The following MPHOSPH8 variants were observed in gnomAD, a reference collection of about 807,000 sequenced individuals.
MPHOSPH8 encodes the protein M-phase phosphoprotein 8, also known as M-phase phosphoprotein, mpp.
In MPHOSPH8, 45 loss-of-function variants were observed where a neutral mutation model predicts 87.3. The ratio of observed to expected loss-of-function variants is 0.52; its 90% CI spans 0.41 to 0.66. The LOEUF is 0.66. Among genes scored for constraint, MPHOSPH8 ranks in the 30% least tolerant of loss-of-function variants. The pLI, the probability that MPHOSPH8 is intolerant of heterozygous loss-of-function variation, is 0.00. For synonymous variants in MPHOSPH8, 366 were observed against 376.9 expected (o/e 0.97, Z 0.33); for missense variants, 883 against 1,020.2 (o/e 0.87, Z 1.83).
chr13:19,650,133 CA>C lies in MPHOSPH8; in HGVS notation c.1451del (p.Lys484ArgfsTer32). Reference protein sequence around the residue: ...DFKTIDDHKTKENKQSLKERR... With the variant: ...DFKTIDDHKTXENKQSLKERR... ...TTAAAACCATAGACGATCACAAAAC[CA>C]AGGAAAACAAACAGTCACTTAAAGA... is the stretch of plus-strand genomic sequence containing the variant. On this transcript the variant is annotated frameshift_variant, in exon 5 of 14. Coordinates refer to ENST00000361479, the MANE Select transcript of MPHOSPH8 (RefSeq NM_017520.4). LOFTEE classifies it high-confidence loss of function. 1 of 1,613,924 alleles carries C rather than the reference CA, an allele frequency of 6.2e-7. No homozygotes were observed. The highest frequency in any genetic ancestry group is 8.5e-7 in the Non-Finnish European group (1 of 1,179,958).
chr13:19,654,807 A>G (rs1875059466), intron 5 of MPHOSPH8, among the ~76,000 whole-genome samples: 1 of 152,172 alleles, frequency 6.6e-6, no homozygotes, highest in African/African-American at 2.4e-5. Flanking sequence ...AATTAGCTGG[A>G]TGTGGTGGCA....
rs539528584 is a variant in MPHOSPH8, at chr13:19,663,016, A to G, written c.1933-24A>G. 14 of 1,560,324 alleles carry G rather than the reference A, an allele frequency of 9.0e-6. No homozygotes were observed. The African/African-American group carries it at 9.5e-5, about 11-fold the overall frequency. ...TCTTTTAAATAATTTGGGAAATTAA[A>G]TTTGCCTTTTTTTCTTTTCATAGAA... is the stretch of plus-strand genomic sequence containing the variant. On this transcript the variant is annotated intron_variant, in intron 8 of 13. Coordinates refer to ENST00000361479, the MANE Select transcript of MPHOSPH8 (RefSeq NM_017520.4).
Position 19,650,004 on chromosome 13 carries a change from A to T in MPHOSPH8, c.1320A>T (p.Thr440=), listed in dbSNP as rs1267438879. 6.3e-7 allele frequency: 1 copy of T among 1,579,812 alleles called. No homozygotes were observed. The highest frequency in any genetic ancestry group is 1.2e-5 in the South Asian group (1 of 86,278). Reference sequence around the variant, plus strand: ...CATCTATTTTAATTTTTTCGTTAGCACTTAAGGAAATCAGAAATGCATTTG... The same window carrying T: ...CATCTATTTTAATTTTTTCGTTAGCTCTTAAGGAAATCAGAAATGCATTTG... ...KGRKEPKGLK[T]LKEIRNAFDL... is the part of the protein sequence containing the mutation. The change falls in exon 5 of 14, where the codon ACA becomes ACT. Residue 440 remains threonine (T), a splice_region_variant and synonymous_variant. Coordinates refer to ENST00000361479, the MANE Select transcript of MPHOSPH8 (RefSeq NM_017520.4).
intron 9 of MPHOSPH8, 22 bp downstream of exon 9, chr13:19,663,148 T>TCCCTTTCTTCAC: frequency 6.3e-7 from 1 of 1,591,884 alleles, no homozygotes; most frequent in Non-Finnish European, 8.6e-7. Flanking sequence ...CTGCAGGTCA[T>TCCCTTTCTTCAC]CCCTTTCTTC....
Position 19,659,271 on chromosome 13 carries a change from A to C in MPHOSPH8, c.1773A>C (p.Glu591Asp), listed in dbSNP as rs200413985. Reference sequence around the variant, plus strand: ...AAGTTGCACTTAATTCAAATGAAGAATATAACCTGGACCAAGAGGTAATAT... The same window carrying C: ...AAGTTGCACTTAATTCAAATGAAGACTATAACCTGGACCAAGAGGTAATAT... ...TVKVALNSNE[E>D]YNLDQEDSSG... is the part of the protein sequence containing the mutation. Residue 591 changes from glutamate to aspartate, a missense_variant, in exon 7 of 14, where the codon GAA becomes GAC. Coordinates refer to ENST00000361479, the MANE Select transcript of MPHOSPH8 (RefSeq NM_017520.4). 2 of 1,609,666 alleles carry C rather than the reference A, an allele frequency of 1.2e-6. No homozygotes were observed. Among genetic ancestry groups the C allele is most frequent in the Non-Finnish European group, 1.7e-6 (2 of 1,178,060 alleles).
At position 19,661,844 on chromosome 13, in the gene MPHOSPH8, T is replaced by C. The variant is rs200334558; in HGVS notation, c.1932+6T>C. 2 of 1,601,058 alleles carry C rather than the reference T, an allele frequency of 1.2e-6. No individual in the cohort carries two copies. The highest frequency in any genetic ancestry group is 2.2e-5 in the South Asian group (2 of 89,328). Reference sequence around the variant, plus strand: ...TCATTCATGCTGCAGAGAAGGTTTGTGGCTTCTTATGCATCAGTTTCAGAG... The same window carrying C: ...TCATTCATGCTGCAGAGAAGGTTTGCGGCTTCTTATGCATCAGTTTCAGAG... On this transcript the variant is annotated splice_donor_region_variant and intron_variant, in intron 8 of 13. Coordinates refer to ENST00000361479, the MANE Select transcript of MPHOSPH8 (RefSeq NM_017520.4).
chr13:19,665,281 A>G (rs1367796824), intron 9 of MPHOSPH8, among the ~76,000 whole-genome samples: 1 of 152,212 alleles, frequency 6.6e-6, no homozygotes, highest in African/African-American at 2.4e-5. Context: ...AGGATTTAGC[A>G]TGTTGAAGTT....
At position 19,656,012 on chromosome 13, in the gene MPHOSPH8, A is replaced by G. The variant is rs1438505220; in HGVS notation, c.1577-2983A>G. On this transcript the variant is annotated intron_variant, in intron 5 of 13. Coordinates refer to ENST00000361479, the MANE Select transcript of MPHOSPH8 (RefSeq NM_017520.4). ...CTATTTGGGAGGCTGAAGCAGGATA[A>G]TCGCTTAAATCCGGGAAGGTGGAGG... Among the ~76,000 whole-genome samples, 28 of 152,142 alleles carry G rather than the reference A, an allele frequency of 1.8e-4. 1 individual carries two copies. Among genetic ancestry groups the G allele is most frequent in the Admixed American group, 1.8e-3 (27 of 15,286 alleles).
In MPHOSPH8 at chr13:19,671,927, C is replaced by G. The variant is rs758918300; in HGVS notation, c.*52C>G. On this transcript the variant is annotated 3_prime_UTR_variant, in exon 14 of 14. Coordinates refer to ENST00000361479, the MANE Select transcript of MPHOSPH8 (RefSeq NM_017520.4). ...CTCTTCAGACCGATTCCTATACTCTCTTTGACAGCAGTTTGGAATTCTTCT... is the reference window on the plus strand; with the variant it reads ...CTCTTCAGACCGATTCCTATACTCTGTTTGACAGCAGTTTGGAATTCTTCT... 5 of 1,562,770 alleles carry G rather than the reference C, an allele frequency of 3.2e-6. No individual in the cohort carries two copies. In the South Asian group the frequency reaches 5.6e-5, roughly 17 times the overall value.
At chr13:19,662,908 A>G in intron 8 of MPHOSPH8, 132 bp from the exon 9 acceptor site, 1 of 727,622 alleles carries the variant, frequency 1.4e-6, no homozygotes, top group Middle Eastern at 3.9e-4. Flanking sequence ...CCCCACGGGA[A>G]TGCTGCAGCC....
At chr13:19,659,674 A>AAG in intron 7 of MPHOSPH8, 1 of 438,768 alleles carries the variant, frequency 2.3e-6, no homozygotes, top group East Asian at 7.0e-5. Context: ...CAAAAAAAAA[A>AAG]AAAATAATGC....
chr13:19,663,108 T>C lies in MPHOSPH8; in HGVS notation c.2001T>C (p.Gly667=). 1 of 1,613,492 alleles carries C rather than the reference T, an allele frequency of 6.2e-7. No individual in the cohort carries two copies. Among genetic ancestry groups the C allele is most frequent in the East Asian group, 2.2e-5 (1 of 44,886 alleles). Reference sequence around the variant, plus strand: ...TTGTAAATGTCCAGCAAAGCAATGGTGAGACTGCACTGATGAAGGTAAATC... The same window carrying C: ...TTGTAAATGTCCAGCAAAGCAATGGCGAGACTGCACTGATGAAGGTAAATC... ...GAFVNVQQSN[G]ETALMKACKR... The change falls in exon 9 of 14, where the codon GGT becomes GGC. Residue 667 remains glycine (G), a synonymous_variant. Transcript: ENST00000361479.
chr13:19,663,270 A>G (rs1016517677), intron 9 of MPHOSPH8, 144 bp downstream of exon 9: 20 of 724,086 alleles, frequency 2.8e-5, no homozygotes, highest in Non-Finnish European at 4.3e-5. Context: ...TGCAGGGGAG[A>G]AGGAGAAGCG....
chr13:19,639,876 G>A (rs956568833), intron 1 of MPHOSPH8, among the ~76,000 whole-genome samples: 3 of 151,032 alleles, frequency 2.0e-5, no homozygotes, highest in Non-Finnish European at 2.9e-5. Context: ...AGGCCGAGGC[G>A]GACAGATCTC....
rs1231770198 is a variant in MPHOSPH8, at chr13:19,646,575, C to G, written c.502C>G (p.Leu168Val). Residue 168 changes from leucine to valine, a missense_variant, in exon 3 of 14, where the codon CTG becomes GTG. By Grantham distance (32) the Leu-to-Val change is conservative. This residue lies in a region of MPHOSPH8 where 741 missense variants were observed against 841.5 expected (regional missense o/e 0.88). Transcript: ENST00000361479. ...RQREEKSPDDLKKKKAKAGKL... is the reference protein window; with the variant it reads ...RQREEKSPDDVKKKKAKAGKL... The stretch of plus-strand genomic sequence containing the variant: ...GAGAGAAGAGAAAAGCCCAGATGAT[C>G]TGAAAAAGAAAAAAGCAAAGGCCGG... 1 of 1,583,118 alleles carries G rather than the reference C, an allele frequency of 6.3e-7. No individual in the cohort carries two copies. Among genetic ancestry groups the G allele is most frequent in the African/African-American group, 1.4e-5 (1 of 72,526 alleles).
At chr13:19,639,340 T>C (rs1357980118) in intron 1 of MPHOSPH8, among the ~76,000 whole-genome samples, 1 of 151,778 alleles carries the variant, frequency 6.6e-6, no homozygotes, top group African/African-American at 2.4e-5. Context: ...AGATGGAATC[T>C]TGCTCTGTCA....
intron 2 of MPHOSPH8, among the ~76,000 whole-genome samples, chr13:19,642,857 G>A (rs934903191): frequency 4.6e-5 from 7 of 152,076 alleles, no homozygotes; most frequent in Non-Finnish European, 1.0e-4. Flanking sequence ...TATTAGTTTT[G>A]ACTGTGTGTA....
At chr13:19,658,119 C>T (rs1229132770) in intron 5 of MPHOSPH8, among the ~76,000 whole-genome samples, 1 of 152,230 alleles carries the variant, frequency 6.6e-6, no homozygotes, top group East Asian at 1.9e-4. Context: ...TGTGCTGTTT[C>T]TCTGCTGTCA....
intron 1 of MPHOSPH8, among the ~76,000 whole-genome samples, chr13:19,637,489 C>G (rs976307867): frequency 6.6e-5 from 10 of 152,180 alleles, no homozygotes; most frequent in African/African-American, 2.4e-4. Flanking sequence ...GCATTTACCA[C>G]TATTTTTATG....
Sources: allele counts gnomAD v4.1 joint callset (sites outside exome capture counted in the v4.1 genomes callset), GRCh38; gene constraint gnomAD v4.1.1; regional missense constraint gnomAD v4.1.1; transcripts MANE v1.5; gene names NCBI Gene and HGNC (gene_info 2026-07-23, HGNC 2026-07-21).